CSMD1: variants seen among roughly 807,000 people sequenced by gnomAD.
The protein encoded by CSMD1 is CUB and Sushi multiple domains 1.
In CSMD1, 213 loss-of-function variants were observed where a neutral mutation model predicts 417.5. That is an observed-to-expected ratio of 0.51 (90% confidence interval 0.46 to 0.57). The LOEUF is 0.57. Among genes scored for constraint, CSMD1 ranks in the 20% least tolerant of loss-of-function variants. The probability of loss-of-function intolerance (pLI) is 0.00; values close to 1 mark genes in which losing one functional copy is unlikely to be tolerated. For missense variants in CSMD1, 6,923 were observed against 4,529.7 expected (o/e 1.53, Z -15.17); for synonymous variants, 2,862 against 1,736.8 (o/e 1.65, Z -16.11).
intron 10 of CSMD1, among the ~76,000 whole-genome samples, chr8:3,556,391 TAATA>T (rs1318253580): frequency 8.0e-5 from 3 of 37,346 alleles, no homozygotes; most frequent in East Asian, 6.4e-4. Context: ...TTATAATAAT[TAATA>T]TATATATATA....
At chr8:3,258,245 T>G (rs1332063896) in intron 26 of CSMD1, among the ~76,000 whole-genome samples, 1 of 151,990 alleles carries the variant, frequency 6.6e-6, no homozygotes, top group Non-Finnish European at 1.5e-5. Context: ...CTTGGACAAA[T>G]TTACACGACA....
At chr8:4,463,976 C>G (rs1799997138) in intron 2 of CSMD1, among the ~76,000 whole-genome samples, 1 of 152,120 alleles carries the variant, frequency 6.6e-6, no homozygotes, top group South Asian at 2.1e-4. Flanking sequence ...TATTGAAATT[C>G]CATTTAGCTA....
At chr8:3,040,660 G>A (rs536379995) in intron 50 of CSMD1, among the ~76,000 whole-genome samples, 5 of 151,764 alleles carry the variant, frequency 3.3e-5, no homozygotes, top group South Asian at 4.1e-4. Context: ...AAAATTAGCC[G>A]GGCATGGCGG....
intron 31 of CSMD1, among the ~76,000 whole-genome samples, chr8:3,202,832 G>C (rs1160183099): frequency 2.6e-5 from 4 of 152,128 alleles, no homozygotes; most frequent in African/African-American, 9.7e-5. Context: ...AATATAACTT[G>C]TCTTTTAAGA....
intron 7 of CSMD1, among the ~76,000 whole-genome samples, chr8:3,651,763 A>T (rs3102098): frequency 0.53 from 79,570 of 150,854 alleles, 21,185 homozygotes; most frequent in Middle Eastern, 0.58. Context: ...CTTACTACCA[A>T]CAGAGCGCCT....
intron 3 of CSMD1, among the ~76,000 whole-genome samples, chr8:4,162,083 G>C (rs775208755): frequency 6.6e-6 from 1 of 152,112 alleles, no homozygotes; most frequent in South Asian, 2.1e-4. Context: ...TAAGCATTAA[G>C]GCAACATTTA....
At chr8:3,295,601 G>C (rs987290834) in intron 25 of CSMD1, among the ~76,000 whole-genome samples, 3 of 152,156 alleles carry the variant, frequency 2.0e-5, no homozygotes, top group Non-Finnish European at 4.4e-5. Flanking sequence ...CCACTGTACT[G>C]ATGCAAGGAT....
At chr8:4,005,797 C>G (rs937268842) in intron 4 of CSMD1, among the ~76,000 whole-genome samples, 1 of 152,144 alleles carries the variant, frequency 6.6e-6, no homozygotes, top group African/African-American at 2.4e-5. Context: ...GTCAGAATCT[C>G]ATTTGCACTT....
chr8:3,633,357 G>C (rs1036573709), intron 7 of CSMD1, among the ~76,000 whole-genome samples: 3 of 152,146 alleles, frequency 2.0e-5, no homozygotes, highest in African/African-American at 7.2e-5. Flanking sequence ...GGTGTCTTTG[G>C]TCCTGCCATA....
intron 39 of CSMD1, among the ~76,000 whole-genome samples, chr8:3,154,571 T>G (rs1207152543): frequency 6.6e-6 from 1 of 152,202 alleles, no homozygotes; most frequent in Non-Finnish European, 1.5e-5. Context: ...ACAGAATTTT[T>G]ACTGAAGGAC....
chr8:3,394,020 ATATATATATATATATAT>A (rs1811525466), intron 17 of CSMD1, among the ~76,000 whole-genome samples: 1 of 52,108 alleles, frequency 1.9e-5, no homozygotes, highest in South Asian at 7.6e-4. Flanking sequence ...AATTATATAT[ATATATATATATATATAT>A]ATATATATAT....
chr8:4,860,398 A>C (rs1802057540), intron 1 of CSMD1, among the ~76,000 whole-genome samples: 1 of 151,422 alleles, frequency 6.6e-6, no homozygotes, highest in Non-Finnish European at 1.5e-5. Context: ...GTACCCAAAA[A>C]CTTAAAGTAT....
chr8:3,641,785 G>C (rs1267417430), intron 7 of CSMD1, among the ~76,000 whole-genome samples: 1 of 152,144 alleles, frequency 6.6e-6, no homozygotes, highest in Non-Finnish European at 1.5e-5. Flanking sequence ...CTACCTCCTG[G>C]TTCTCAAAAA....
At chr8:4,823,853 G>C (rs753849517) in intron 1 of CSMD1, among the ~76,000 whole-genome samples, 13 of 151,978 alleles carry the variant, frequency 8.6e-5, no homozygotes, top group East Asian at 1.9e-4. Flanking sequence ...TGAGGCTTGA[G>C]AGAATAAAAG....
intron 1 of CSMD1, among the ~76,000 whole-genome samples, chr8:4,862,340 G>T (rs1802187248): frequency 6.6e-6 from 1 of 152,012 alleles, no homozygotes; most frequent in Non-Finnish European, 1.5e-5. Flanking sequence ...ATTATTAGAG[G>T]GCTTTGCACA....
chr8:4,231,412 T>C (rs955496840), intron 3 of CSMD1, among the ~76,000 whole-genome samples: 1 of 152,178 alleles, frequency 6.6e-6, no homozygotes, highest in African/African-American at 2.4e-5. Context: ...ACAAAGTTGT[T>C]ACAAAAATTA....
chr8:4,241,838 G>A (rs1022831435), intron 3 of CSMD1, among the ~76,000 whole-genome samples: 2 of 151,988 alleles, frequency 1.3e-5, no homozygotes, highest in African/African-American at 4.8e-5. Flanking sequence ...AGCCTCCCAA[G>A]TATGGGGTGA....
At chr8:4,161,472 G>T (rs1193499456) in intron 3 of CSMD1, among the ~76,000 whole-genome samples, 1 of 152,172 alleles carries the variant, frequency 6.6e-6, no homozygotes, top group African/African-American at 2.4e-5. Context: ...GCTTACTCAA[G>T]GTCATGCTGC....
At chr8:3,785,709 C>G (rs113837261) in intron 5 of CSMD1, among the ~76,000 whole-genome samples, 2 of 152,070 alleles carry the variant, frequency 1.3e-5, no homozygotes, top group East Asian at 3.9e-4. Flanking sequence ...CCACGTGCTA[C>G]CAAGAAGTGA....
Sources: allele counts gnomAD v4.1 joint callset (sites outside exome capture counted in the v4.1 genomes callset), GRCh38; gene constraint gnomAD v4.1.1; transcripts MANE v1.5; gene names NCBI Gene and HGNC (gene_info 2026-07-23, HGNC 2026-07-21).